The following OSBPL8 variants were observed in gnomAD, a reference collection of about 807,000 sequenced individuals.
OSBPL8 encodes oxysterol binding protein like 8.
Under a neutral mutation model 125.5 loss-of-function variants are expected in OSBPL8, and 59 were observed. The observed-to-expected ratio is 0.47, with a 90% CI of 0.38 to 0.58. The LOEUF is 0.58. Among genes scored for constraint, OSBPL8 ranks in the 20% least tolerant of loss-of-function variants. The probability of loss-of-function intolerance (pLI) is 0.00; values close to 1 mark genes in which losing one functional copy is unlikely to be tolerated. For synonymous variants in OSBPL8, 330 were observed against 338.9 expected, an observed-to-expected ratio of 0.97 and a Z score of 0.29; for missense variants, 758 against 1,047.8, an observed-to-expected ratio of 0.72 and a Z score of 3.82.
chr12:76,459,845 C>A lies in OSBPL8; in HGVS notation c.79+14G>T, dbSNP rs1027116865. ...CATGTCCCCAAACATGCCGTTCAAGCTTCAGCTACTTACTTGATGGCCCAA... is the reference window on the plus strand; with the variant it reads ...CATGTCCCCAAACATGCCGTTCAAGATTCAGCTACTTACTTGATGGCCCAA... On this transcript the variant is annotated intron_variant, in intron 3 of 23. Coordinates refer to ENST00000261183, the MANE Select transcript of OSBPL8 (RefSeq NM_020841.5). The A allele has an allele frequency of 1.9e-6, 3 of 1,613,480 alleles. No homozygotes were observed. The highest frequency in any genetic ancestry group is 2.7e-5 in the African/African-American group (2 of 74,908).
At chr12:76,551,501 A>T (rs1214234779) in intron 1 of OSBPL8, among the ~76,000 whole-genome samples, 1 of 152,040 alleles carries the variant, frequency 6.6e-6, no homozygotes, top group African/African-American at 2.4e-5. Flanking sequence ...AAGTTAAGAA[A>T]CCCTACTTTA....
intron 8 of OSBPL8, among the ~76,000 whole-genome samples, chr12:76,395,720 AG>A (rs951639126): frequency 6.6e-6 from 1 of 152,136 alleles, no homozygotes; most frequent in African/African-American, 2.4e-5. Context: ...TCCTCCTTAT[AG>A]GTATGAGAAT....
intron 2 of OSBPL8, among the ~76,000 whole-genome samples, chr12:76,467,255 T>G (rs1337200450): frequency 1.1e-4 from 17 of 152,176 alleles, no homozygotes; most frequent in Admixed American, 1.1e-3. Context: ...CCATTACCAG[T>G]GCTCAGCTTC....
intron 6 of OSBPL8, 121 bp downstream of exon 6, chr12:76,402,568 T>G: frequency 7.0e-6 from 5 of 712,136 alleles, no homozygotes; most frequent in Non-Finnish European, 1.2e-5. Flanking sequence ...TGCCTGTCTG[T>G]ACCACTGGAT....
At chr12:76,400,325 A>G (rs1953997581) in intron 6 of OSBPL8, among the ~76,000 whole-genome samples, 2 of 152,200 alleles carry the variant, frequency 1.3e-5, no homozygotes, top group African/African-American at 2.4e-5. Flanking sequence ...ATCTTTGTAA[A>G]AGACATGATG....
At chr12:76,524,076 A>G (rs1950096329) in intron 1 of OSBPL8, among the ~76,000 whole-genome samples, 1 of 152,196 alleles carries the variant, frequency 6.6e-6, no homozygotes, top group Non-Finnish European at 1.5e-5. Context: ...GTACATACAT[A>G]AACAAAGAAT....
chr12:76,408,197 C>T (rs1954353441), intron 5 of OSBPL8, among the ~76,000 whole-genome samples: 2 of 148,686 alleles, frequency 1.3e-5, no homozygotes, highest in Admixed American at 6.7e-5. Flanking sequence ...CACGGTGACT[C>T]ACGCCTGTAA....
At chr12:76,394,466 T>C (rs942820821) in intron 9 of OSBPL8, among the ~76,000 whole-genome samples, 179 bp downstream of exon 9, 8 of 152,210 alleles carry the variant, frequency 5.3e-5, no homozygotes, top group African/African-American at 1.9e-4. Context: ...GCTTCCTTTC[T>C]ATCAGATTTT....
intron 5 of OSBPL8, among the ~76,000 whole-genome samples, chr12:76,406,805 G>A (rs1444246777): frequency 6.6e-6 from 1 of 152,002 alleles, no homozygotes; most frequent in African/African-American, 2.4e-5. Context: ...TAGAGTCAAG[G>A]TCTCGCTAGG....
chr12:76,354,001 G>T lies in OSBPL8; in HGVS notation c.*1888C>A, dbSNP rs1325198765. On this transcript the variant is annotated 3_prime_UTR_variant, in exon 24 of 24. Transcript: ENST00000261183. ...GTCACCAGTACAAAATGTTAACAAG[G>T]TTTACTGATGAAATGATTTTTGTGA... 6.6e-6 allele frequency: 1 copy of T among 152,228 alleles called. No homozygotes were observed. The highest frequency in any genetic ancestry group is 6.6e-5 in the Admixed American group (1 of 15,250). The allele number at this position is 152,228 out of a possible 1,614,324, so 9.4% of individuals were successfully genotyped here.
chr12:76,499,526 G>C (rs1879674970), intron 1 of OSBPL8, among the ~76,000 whole-genome samples: 1 of 151,964 alleles, frequency 6.6e-6, no homozygotes, highest in East Asian at 1.9e-4. Context: ...ATGAACCAAA[G>C]TGCCCAGCCC....
intron 1 of OSBPL8, among the ~76,000 whole-genome samples, chr12:76,549,982 G>C (rs1950890853): frequency 1.3e-5 from 2 of 151,244 alleles, no homozygotes; most frequent in African/African-American, 4.9e-5. Flanking sequence ...AGAGTAAGGA[G>C]AAAGGAAGTT....
chr12:76,455,236 C>CTA (rs1188480013), intron 3 of OSBPL8, among the ~76,000 whole-genome samples: 1 of 149,968 alleles, frequency 6.7e-6, no homozygotes, highest in Non-Finnish European at 1.5e-5. Flanking sequence ...GAGCGAGACT[C>CTA]TATCTAAAAA....
intron 4 of OSBPL8, among the ~76,000 whole-genome samples, chr12:76,438,987 T>C (rs1344251406): frequency 6.6e-6 from 1 of 152,272 alleles, no homozygotes; most frequent in Non-Finnish European, 1.5e-5. Context: ...TTTTTCATTT[T>C]ATCAGTTCTA....
chr12:76,438,850 T>C (rs1036335892), intron 4 of OSBPL8, among the ~76,000 whole-genome samples: 1 of 152,222 alleles, frequency 6.6e-6, no homozygotes, highest in Non-Finnish European at 1.5e-5. Flanking sequence ...CCTTGCTAGA[T>C]TCAGTTTGCT....
chr12:76,428,393 T>C (rs990629929), intron 4 of OSBPL8, among the ~76,000 whole-genome samples: 3 of 151,902 alleles, frequency 2.0e-5, no homozygotes, highest in Non-Finnish European at 4.4e-5. Flanking sequence ...CATCTCTATT[T>C]AAGAAAAAAA....
At chr12:76,494,091 CT>C (rs1879018167) in intron 1 of OSBPL8, among the ~76,000 whole-genome samples, 1 of 152,080 alleles carries the variant, frequency 6.6e-6, no homozygotes, top group Non-Finnish European at 1.5e-5. Context: ...GTTCACTGAG[CT>C]TCCTTAAAAT....
intron 8 of OSBPL8, among the ~76,000 whole-genome samples, chr12:76,395,540 A>T (rs892997507): frequency 6.9e-6 from 1 of 143,930 alleles, no homozygotes; most frequent in African/African-American, 2.6e-5. Flanking sequence ...ATATGACTTT[A>T]ACAAATACCG....
chr12:76,481,337 G>A (rs945294053), intron 2 of OSBPL8, among the ~76,000 whole-genome samples: 1 of 152,134 alleles, frequency 6.6e-6, no homozygotes, highest in East Asian at 1.9e-4. Flanking sequence ...ATTAGTAATT[G>A]GCATATGGAT....
Sources: allele counts gnomAD v4.1 joint callset (sites outside exome capture counted in the v4.1 genomes callset), GRCh38; gene constraint gnomAD v4.1.1; transcripts MANE v1.5; gene names NCBI Gene and HGNC (gene_info 2026-07-23, HGNC 2026-07-21).